NELL2: variants seen among roughly 807,000 people sequenced by gnomAD.
The protein encoded by NELL2 is neural EGFL like 2, also known as protein kinase C-binding protein NELL2.
In NELL2, 41 loss-of-function variants were observed where a neutral mutation model predicts 109.6. That is an observed-to-expected ratio of 0.37 (90% CI 0.29 to 0.49). The LOEUF is 0.49. Among genes scored for constraint, NELL2 ranks in the 20% least tolerant of loss-of-function variants. The pLI is 0.98. For synonymous variants in NELL2, 355 were observed against 344.7 expected, an observed-to-expected ratio of 1.03 and a Z score of -0.33; for missense variants, 900 against 1,008.3, an observed-to-expected ratio of 0.89 and a Z score of 1.45.
chr12:44,620,128 T>G lies in NELL2; in HGVS notation c.1445-9158A>C, dbSNP rs546121028. Among the ~76,000 whole-genome samples, 11 of 151,726 alleles carry G rather than the reference T, an allele frequency of 7.2e-5. No homozygotes were observed. The South Asian group carries it at 1.5e-3, about 20-fold the overall frequency. On this transcript the variant is annotated intron_variant, in intron 13 of 19. Transcript: ENST00000429094. ...CTTGTTCGCCTGGGTTTTGTTTTTT[T>G]TTTTTTTTTATGGCAAAGAAGAAGA... is the stretch of plus-strand genomic sequence containing the variant.
intron 2 of NELL2, among the ~76,000 whole-genome samples, chr12:44,864,279 G>A (rs1368510024): frequency 6.6e-6 from 1 of 152,042 alleles, no homozygotes; most frequent in Non-Finnish European, 1.5e-5. Flanking sequence ...GTGGTTGAAT[G>A]TATTTAAAAA....
At chr12:44,709,010 G>A (rs59161217) in intron 11 of NELL2, among the ~76,000 whole-genome samples, 8,931 of 152,086 alleles carry the variant, frequency 0.059, 871 homozygotes, top group African/African-American at 0.2. Flanking sequence ...TGTAGTTAAG[G>A]TTTCTCTTGA....
chr12:44,592,225 T>C (rs1944779475), intron 15 of NELL2, among the ~76,000 whole-genome samples: 1 of 152,236 alleles, frequency 6.6e-6, no homozygotes, highest in Non-Finnish European at 1.5e-5. Flanking sequence ...GTTGCTATTA[T>C]GATTTAAATG....
chr12:44,688,782 C>A (rs1293520105), intron 12 of NELL2, among the ~76,000 whole-genome samples: 1 of 152,196 alleles, frequency 6.6e-6, no homozygotes, highest in Non-Finnish European at 1.5e-5. Context: ...CATAAATCTG[C>A]AAAGTGTGTA....
At position 44,766,112 on chromosome 12, in the gene NELL2, C is replaced by T. The variant is rs570757642; in HGVS notation, c.994+8635G>A. Among the ~76,000 whole-genome samples, 49 of 151,994 alleles carry T rather than the reference C, an allele frequency of 3.2e-4. No individual in the cohort carries two copies. The South Asian group carries it at 9.8e-3, about 30-fold the overall frequency. On this transcript the variant is annotated intron_variant, in intron 9 of 19. Transcript: ENST00000429094. ...GAAAAAAAAAAAAAAGAAAGAAATG[C>T]ATCTGAATTCTGCTTTATCACAATC... is the stretch of plus-strand genomic sequence containing the variant.
intron 9 of NELL2, among the ~76,000 whole-genome samples, chr12:44,771,794 T>C (rs549582096): frequency 9.2e-5 from 14 of 152,318 alleles, no homozygotes; most frequent in Admixed American, 9.2e-4. Flanking sequence ...GAGCTGGAGT[T>C]GAAGTTACCG....
At chr12:44,689,897 G>C (rs559023456) in intron 12 of NELL2, among the ~76,000 whole-genome samples, 1 of 152,076 alleles carries the variant, frequency 6.6e-6, no homozygotes, top group South Asian at 2.1e-4. Context: ...GAGAAACCCT[G>C]GTTAAAACAA....
At position 44,587,738 on chromosome 12, in the gene NELL2, A is replaced by C. The variant is rs190230056; in HGVS notation, c.1663+19431T>G. ...CAAGTAGTTAGAAGAAATCTCAGGG[A>C]AAAAAGTCTCACTTGGGCCTAGCTT... On this transcript the variant is annotated intron_variant, in intron 15 of 19. Transcript: ENST00000429094. Among the ~76,000 whole-genome samples, 1,279 of 152,288 alleles carry C rather than the reference A, an allele frequency of 8.4e-3. 13 individuals are homozygous for C. The highest frequency in any genetic ancestry group is 0.029 in the African/African-American group (1,201 of 41,556).
At chr12:44,854,736 A>G (rs532926748) in intron 2 of NELL2, among the ~76,000 whole-genome samples, 30 of 151,544 alleles carry the variant, frequency 2.0e-4, no homozygotes, top group African/African-American at 6.3e-4. Context: ...GGATGGATGG[A>G]TGGATGGGTG....
chr12:44,827,091 C>T (rs551894963), intron 2 of NELL2, among the ~76,000 whole-genome samples: 2 of 152,180 alleles, frequency 1.3e-5, no homozygotes, highest in African/African-American at 2.4e-5. Context: ...AATAATTCTG[C>T]TTTAAAAATT....
chr12:44,609,850 A>C (rs774879857), intron 14 of NELL2, among the ~76,000 whole-genome samples: 5 of 152,018 alleles, frequency 3.3e-5, no homozygotes, highest in Admixed American at 3.3e-4. Flanking sequence ...TAGCAAACTG[A>C]TTTTAGTGAA....
Position 44,865,364 on chromosome 12 carries a change from G to A in NELL2, c.184+9861C>T, listed in dbSNP as rs182238020. Among the ~76,000 whole-genome samples, 868 of 143,036 alleles carry A rather than the reference G, an allele frequency of 6.1e-3. 6 individuals carry two copies. Among genetic ancestry groups the A allele is most frequent in the Non-Finnish European group, 8.4e-3 (553 of 65,824 alleles). The allele number at this position is 143,036 out of a possible 152,430, so 93.8% of individuals were successfully genotyped here. A position where few individuals can be genotyped will look rare whatever the true frequency, so the allele number is the denominator to read the frequency against. ...TGCTGCTCTAAAGACACATGCACAC[G>A]TATGTTTATTGTGGCATTATTCACA... On this transcript the variant is annotated intron_variant, in intron 2 of 19. Transcript: ENST00000429094.
At chr12:44,753,226 G>A (rs1230621214) in intron 9 of NELL2, among the ~76,000 whole-genome samples, 1 of 151,980 alleles carries the variant, frequency 6.6e-6, no homozygotes, top group Non-Finnish European at 1.5e-5. Flanking sequence ...TTCCTTCATG[G>A]TACTTTCAAT....
At chr12:44,763,249 C>A (rs1205240241) in intron 9 of NELL2, among the ~76,000 whole-genome samples, 1 of 152,100 alleles carries the variant, frequency 6.6e-6, no homozygotes, top group Non-Finnish European at 1.5e-5. Flanking sequence ...AGATTCAGGG[C>A]CTGAGAAATG....
intron 15 of NELL2, among the ~76,000 whole-genome samples, chr12:44,565,464 C>T (rs1443520526): frequency 6.6e-6 from 1 of 152,118 alleles, no homozygotes; most frequent in African/African-American, 2.4e-5. Flanking sequence ...TGTATTGTAA[C>T]TCTTGTGTGA....
At chr12:44,604,179 G>T (rs1945315040) in intron 15 of NELL2, among the ~76,000 whole-genome samples, 1 of 151,874 alleles carries the variant, frequency 6.6e-6, no homozygotes, top group South Asian at 2.1e-4. Flanking sequence ...ATAAAGGAAA[G>T]CAGGAAGAAA....
intron 13 of NELL2, among the ~76,000 whole-genome samples, chr12:44,640,290 C>G (rs1213842602): frequency 6.6e-6 from 1 of 152,142 alleles, no homozygotes; most frequent in Non-Finnish European, 1.5e-5. Context: ...TTCACAACAA[C>G]CCCACAAGGT....
At chr12:44,719,144 G>T (rs137897172) in intron 9 of NELL2, among the ~76,000 whole-genome samples, 59 of 152,194 alleles carry the variant, frequency 3.9e-4, no homozygotes, top group African/African-American at 1.4e-3. Flanking sequence ...ACATAAAAAC[G>T]ATTAACAGCA....
intron 15 of NELL2, among the ~76,000 whole-genome samples, chr12:44,562,360 A>G (rs1223817170): frequency 1.3e-5 from 2 of 152,252 alleles, no homozygotes; most frequent in Non-Finnish European, 2.9e-5. Flanking sequence ...AAAAGAAACT[A>G]TCATCAGAGT....
Sources: allele counts gnomAD v4.1 joint callset (sites outside exome capture counted in the v4.1 genomes callset), GRCh38; gene constraint gnomAD v4.1.1; transcripts MANE v1.5; gene names NCBI Gene and HGNC (gene_info 2026-07-23, HGNC 2026-07-21).